KCTD8: variants seen among roughly 807,000 people sequenced by gnomAD.
KCTD8 encodes BTB/POZ domain-containing protein KCTD8.
KCTD8 carries 27 observed loss-of-function variants against 31.5 expected under a neutral mutation model. The ratio of observed to expected loss-of-function variants is 0.86; its 90% CI spans 0.63 to 1.18. The LOEUF (loss-of-function observed/expected upper bound fraction) is 1.18. KCTD8 is among the 50% of genes most tolerant of loss of function. KCTD8 has a pLI of 0.00. For synonymous variants in KCTD8, 290 were observed against 280.0 expected (o/e 1.04, Z -0.36); for missense variants, 658 against 647.7 (o/e 1.02, Z -0.17).
At chr4:44,257,644 C>G (rs1262349344) in intron 1 of KCTD8, among the ~76,000 whole-genome samples, 3 of 151,982 alleles carry the variant, frequency 2.0e-5, no homozygotes, top group Admixed American at 6.6e-5. Flanking sequence ...AGTTAGACGT[C>G]TTTCCATTTT....
At chr4:44,407,246 C>A (rs1273996604) in intron 1 of KCTD8, among the ~76,000 whole-genome samples, 1 of 152,108 alleles carries the variant, frequency 6.6e-6, no homozygotes, top group Non-Finnish European at 1.5e-5. Flanking sequence ...CTTCAAAAAT[C>A]TCCTATTTTA....
intron 1 of KCTD8, among the ~76,000 whole-genome samples, chr4:44,319,571 AT>A (rs1234332164): frequency 6.6e-6 from 1 of 152,150 alleles, no homozygotes; most frequent in African/African-American, 2.4e-5. Context: ...CTTCTACGCC[AT>A]GAGCCCTTCC....
At chr4:44,206,065 G>A (rs944053617) in intron 1 of KCTD8, among the ~76,000 whole-genome samples, 2 of 152,118 alleles carry the variant, frequency 1.3e-5, no homozygotes, top group African/African-American at 4.8e-5. Context: ...TGGGAACAGT[G>A]AAGGCAAGCT....
At chr4:44,234,738 G>C (rs1715225536) in intron 1 of KCTD8, among the ~76,000 whole-genome samples, 1 of 152,110 alleles carries the variant, frequency 6.6e-6, no homozygotes, top group African/African-American at 2.4e-5. Context: ...GCCCTTCTAG[G>C]AAACAGCAGC....
chr4:44,335,410 A>G (rs1311346128), intron 1 of KCTD8, among the ~76,000 whole-genome samples: 1 of 152,070 alleles, frequency 6.6e-6, no homozygotes, highest in East Asian at 1.9e-4. Flanking sequence ...CGAGACACAC[A>G]ATTTACCCAT....
chr4:44,372,346 G>A lies in KCTD8; in HGVS notation c.961+75217C>T, dbSNP rs183422589. ...ACATTCCAGAAAAAGACAAACAGACGTACCAAAAATTACTGGTAAATTAGA... is the reference window on the plus strand; with the variant it reads ...ACATTCCAGAAAAAGACAAACAGACATACCAAAAATTACTGGTAAATTAGA... On this transcript the variant is annotated intron_variant, in intron 1 of 1. Transcript: ENST00000360029. Among the ~76,000 whole-genome samples, 28 of 152,208 alleles carry A rather than the reference G, an allele frequency of 1.8e-4. No homozygotes were observed. The East Asian group carries it at 3.5e-3, about 19-fold the overall frequency.
chr4:44,234,411 T>C (rs1715213542), intron 1 of KCTD8, among the ~76,000 whole-genome samples: 1 of 152,156 alleles, frequency 6.6e-6, no homozygotes, highest in African/African-American at 2.4e-5. Flanking sequence ...GTTCTGAAGA[T>C]GACCACACAG....
intron 1 of KCTD8, among the ~76,000 whole-genome samples, chr4:44,290,746 A>G (rs1237689867): frequency 1.3e-5 from 2 of 152,128 alleles, no homozygotes; most frequent in Admixed American, 6.6e-5. Context: ...CGAGATTAAA[A>G]AATTCTATGA....
At chr4:44,265,861 T>C (rs1431829332) in intron 1 of KCTD8, among the ~76,000 whole-genome samples, 5 of 151,864 alleles carry the variant, frequency 3.3e-5, no homozygotes, top group Non-Finnish European at 4.4e-5. Flanking sequence ...TAAAAAGAAA[T>C]GAACAAAGCC....
intron 1 of KCTD8, among the ~76,000 whole-genome samples, chr4:44,203,407 T>A (rs1396624790): frequency 6.6e-6 from 1 of 151,060 alleles, no homozygotes; most frequent in Non-Finnish European, 1.5e-5. Flanking sequence ...GGAGAACTGC[T>A]TGAACCCAGG....
At chr4:44,417,618 T>TAAACCAGAAACAAGCCTCCTTGCTTGCA (rs1350960364) in intron 1 of KCTD8, among the ~76,000 whole-genome samples, 1 of 135,670 alleles carries the variant, frequency 7.4e-6, no homozygotes, top group African/African-American at 2.9e-5. Flanking sequence ...GCCCAAAATA[T>TAAACCAGAAACAAGCCTCCTTGCTTGCA]AGATAAACAA....
chr4:44,422,970 T>G (rs1017855087), intron 1 of KCTD8, among the ~76,000 whole-genome samples: 18 of 152,074 alleles, frequency 1.2e-4, no homozygotes, highest in Non-Finnish European at 1.9e-4. Context: ...AAATTCCACT[T>G]TACCAACCAT....
At chr4:44,380,537 T>G (rs146239416) in intron 1 of KCTD8, among the ~76,000 whole-genome samples, 9 of 151,822 alleles carry the variant, frequency 5.9e-5, no homozygotes, top group Non-Finnish European at 1.3e-4. Context: ...ATTTTAATTA[T>G]TAATTTCATA....
At chr4:44,207,454 A>G (rs1377845376) in intron 1 of KCTD8, among the ~76,000 whole-genome samples, 1 of 152,152 alleles carries the variant, frequency 6.6e-6, no homozygotes, top group African/African-American at 2.4e-5. Flanking sequence ...ACCCCATTAT[A>G]ATAAAAGCTC....
At chr4:44,290,423 C>A (rs1310870231) in intron 1 of KCTD8, among the ~76,000 whole-genome samples, 1 of 152,002 alleles carries the variant, frequency 6.6e-6, no homozygotes, top group Non-Finnish European at 1.5e-5. Context: ...AGAAAGCTAA[C>A]AAGTTTTTGA....
chr4:44,235,742 A>C (rs1269448381), intron 1 of KCTD8, among the ~76,000 whole-genome samples: 3 of 151,530 alleles, frequency 2.0e-5, no homozygotes, highest in African/African-American at 4.8e-5. Context: ...AATATCATAT[A>C]TCTCTCAATT....
chr4:44,307,572 T>C (rs1307372938), intron 1 of KCTD8, among the ~76,000 whole-genome samples: 1 of 152,026 alleles, frequency 6.6e-6, no homozygotes, highest in African/African-American at 2.4e-5. Context: ...TGATGTCAGA[T>C]TAAAAATAAA....
At chr4:44,187,177 C>A (rs1713614100) in intron 1 of KCTD8, among the ~76,000 whole-genome samples, 1 of 152,128 alleles carries the variant, frequency 6.6e-6, no homozygotes, top group Non-Finnish European at 1.5e-5. Context: ...GAGAACCACA[C>A]ATAATGTGGA....
At chr4:44,418,552 TA>T (rs1721133428) in intron 1 of KCTD8, among the ~76,000 whole-genome samples, 1 of 152,326 alleles carries the variant, frequency 6.6e-6, no homozygotes, top group South Asian at 2.1e-4. Flanking sequence ...TAGTTATTTT[TA>T]GAAGCTCATA....
Sources: gnomAD v4.1 joint callset for allele counts (sites outside exome capture counted in the v4.1 genomes callset) on GRCh38, gnomAD v4.1.1 for gene constraint, MANE v1.5 for transcripts, NCBI Gene and HGNC (gene_info 2026-07-23, HGNC 2026-07-21) for gene names.